NOS2: variants seen among roughly 807,000 people sequenced by gnomAD.
The protein encoded by NOS2 is nitric oxide synthase, inducible.
A neutral mutation model predicts 136.0 loss-of-function variants in NOS2; 96 were observed. The ratio of observed to expected loss-of-function variants is 0.71; its 90% CI spans 0.60 to 0.84. The LOEUF (loss-of-function observed/expected upper bound fraction) is 0.84. NOS2 is among the 40% of genes least tolerant of loss of function. NOS2 has a pLI of 0.00. For missense variants in NOS2, 1,237 were observed against 1,496.9 expected (o/e 0.83, Z 2.87); for synonymous variants, 539 against 587.5 (o/e 0.92, Z 1.20).
chr17:27,799,610 G>A (rs28998796), intron 1 of NOS2, among the ~76,000 whole-genome samples: 2,302 of 152,286 alleles, frequency 0.015, 58 homozygotes, highest in African/African-American at 0.051. Context: ...TCGGGAGACC[G>A]AGGCAGGAGG....
chr17:27,783,001 C>T lies in NOS2; in HGVS notation c.573G>A (p.Lys191=), dbSNP rs201721294. 1.9e-6 allele frequency: 3 copies of T among 1,614,072 alleles called. No individual in the cohort carries two copies. Among genetic ancestry groups the T allele is most frequent in the African/African-American group, 1.3e-5 (1 of 74,940 alleles). The change falls in exon 6 of 27, where the codon AAG becomes AAA. Residue 191 remains lysine, a synonymous_variant. Coordinates refer to ENST00000313735, the MANE Select transcript of NOS2 (RefSeq NM_000625.4). ...LTGDELIFAT[K]QAWRNAPRCI... ...AGCGTGGGGCATTGCGCCAGGCCTG[C>T]TTGGTGGCGAAGATGAGCTCATCTC...
At chr17:27,766,399 G>A (rs1908303851) in intron 19 of NOS2, 111 bp downstream of exon 19, 3 of 977,900 alleles carry the variant, frequency 3.1e-6, no homozygotes, top group Admixed American at 1.7e-5. Flanking sequence ...GGCTGCTAAT[G>A]CCAGCATATG....
At chr17:27,777,521 C>T (rs8073631) in intron 11 of NOS2, among the ~76,000 whole-genome samples, 108,051 of 152,122 alleles carry the variant, frequency 0.71, 38,884 homozygotes, top group African/African-American at 0.82. Flanking sequence ...CCACAGCTCA[C>T]AGGTCCCCTC....
At position 27,762,801 on chromosome 17, in the gene NOS2, GGGTGTGGTA is replaced by G; in HGVS notation, c.2788_2796del (p.Tyr930_Thr932del). The G allele has an allele frequency of 6.5e-7, 1 of 1,546,930 alleles. No homozygotes were observed. Among genetic ancestry groups the G allele is most frequent in the Non-Finnish European group, 8.7e-7 (1 of 1,145,466 alleles). On this transcript the variant is annotated inframe_deletion, in exon 22 of 27. Transcript: ENST00000313735. ...AGAGCCTCTGCCCCTGGCTCACCTC[GGGTGTGGTA>G]GGTGACCACGGCCACAGTCAGGTGG...
Position 27,787,772 on chromosome 17 carries a change from A to C in NOS2, c.373T>G (p.Leu125Val). ...GGCTTGTCCCTGGGTCCTCTGGTCA[A>C]ACTTTTGGGAGTCATAATGGACCCC... ...CLGSIMTPKS[L>V]TRGPRDKPTP... The change falls in exon 5 of 27, where the codon TTG (leucine) becomes GTG (valine). Residue 125 changes from leucine (L) to valine (V), a missense_variant. Around this residue, in one of 3 missense-constraint regions of NOS2, gnomAD observed 440 missense variants for 545.4 expected, o/e 0.81. Coordinates refer to ENST00000313735, the MANE Select transcript of NOS2 (RefSeq NM_000625.4). 6.2e-7 allele frequency: 1 copy of C among 1,613,508 alleles called. No homozygotes were observed. The highest frequency in any genetic ancestry group is 1.1e-5 in the South Asian group (1 of 90,928).
intron 7 of NOS2, 73 bp from the exon 8 acceptor site, chr17:27,781,250 C>T (rs1718424677): frequency 6.7e-7 from 1 of 1,495,476 alleles, no homozygotes; most frequent in Admixed American, 1.8e-5. Context: ...ACTGGCCCTA[C>T]CTCCCTCTCC....
chr17:27,762,221 T>C (rs751909059), intron 22 of NOS2, among the ~76,000 whole-genome samples: 5 of 152,194 alleles, frequency 3.3e-5, no homozygotes, highest in Admixed American at 6.5e-5. Context: ...ATTATTTCTA[T>C]GCCTATCTCT....
chr17:27,765,166 T>C (rs536536675), intron 20 of NOS2, among the ~76,000 whole-genome samples: 2 of 152,298 alleles, frequency 1.3e-5, no homozygotes, highest in South Asian at 4.1e-4. Context: ...TTTTGTATTT[T>C]TAGTAGAGAC....
At chr17:27,779,171 G>A (rs1049651989) in intron 9 of NOS2, 115 bp from the exon 10 acceptor site, 28 of 743,458 alleles carry the variant, frequency 3.8e-5, no homozygotes, top group Non-Finnish European at 4.9e-5. Context: ...GCAGTGCAGT[G>A]GCACAATCAT....
chr17:27,757,198 TC>T lies in NOS2; in HGVS notation c.*47del. The stretch of plus-strand genomic sequence containing the variant: ...TGACCTCAGATAATGCAGAGCTGGC[TC>T]CATCCTTAAGTTCTGTGCCGGCAGC... On this transcript the variant is annotated 3_prime_UTR_variant, in exon 27 of 27. Coordinates refer to ENST00000313735, the MANE Select transcript of NOS2 (RefSeq NM_000625.4). 6.8e-7 allele frequency: 1 copy of T among 1,468,592 alleles called. No individual in the cohort carries two copies. The highest frequency in any genetic ancestry group is 1.2e-5 in the South Asian group (1 of 86,868). 91.0% of individuals were successfully genotyped at this position (1,468,592 alleles called of 1,614,324 possible).
intron 14 of NOS2, among the ~76,000 whole-genome samples, chr17:27,772,087 T>C (rs574799130): frequency 6.6e-6 from 1 of 152,372 alleles, no homozygotes; most frequent in Admixed American, 6.5e-5. Context: ...ATTGTGAAAG[T>C]GTTTCTCAAA....
At chr17:27,760,220 A>C in intron 24 of NOS2, 42 bp from the exon 25 acceptor site, 1 of 1,499,516 alleles carries the variant, frequency 6.7e-7, no homozygotes, top group Non-Finnish European at 8.9e-7. Context: ...TGGCCACCAG[A>C]GGGCGCCAGG....
chr17:27,799,104 A>G (rs1909450243), intron 1 of NOS2, among the ~76,000 whole-genome samples: 1 of 151,258 alleles, frequency 6.6e-6, no homozygotes. Context: ...AAAACAATGA[A>G]CCCCCCCATC....
Position 27,774,369 on chromosome 17 carries a change from C to A in NOS2, c.1364G>T (p.Gly455Val). The change falls in exon 12 of 27, where the codon GGG becomes GTG. Residue 455 changes from glycine to valine, a missense_variant. This residue lies in a region of NOS2 where 782 missense variants were observed against 909.9 expected (regional missense o/e 0.86). Coordinates refer to ENST00000313735, the MANE Select transcript of NOS2 (RefSeq NM_000625.4). Reference sequence around the variant, plus strand: ...CCAAATCCAGTCTGCCGGGCAGCCCCCACGGGACCGGTATTCATTCTGCAT... The same window carrying A: ...CCAAATCCAGTCTGCCGGGCAGCCCACACGGGACCGGTATTCATTCTGCAT... ...KYMQNEYRSR[G>V]GCPADWIWLV... is the part of the protein sequence containing the mutation. 6.3e-7 allele frequency: 1 copy of A among 1,583,016 alleles called. No homozygotes were observed. The highest frequency in any genetic ancestry group is 1.8e-5 in the Admixed American group (1 of 55,588).
At chr17:27,775,399 A>C (rs1299122796) in intron 11 of NOS2, among the ~76,000 whole-genome samples, 4 of 152,078 alleles carry the variant, frequency 2.6e-5, no homozygotes, top group Admixed American at 2.0e-4. Flanking sequence ...GGAGTTTGAG[A>C]CCAGCCTGAC....
At chr17:27,783,846 C>T (rs1250110867) in intron 5 of NOS2, among the ~76,000 whole-genome samples, 1 of 152,182 alleles carries the variant, frequency 6.6e-6, no homozygotes, top group Non-Finnish European at 1.5e-5. Flanking sequence ...CATCTTCCAC[C>T]CTACGGGGAC....
chr17:27,768,118 T>C (rs1431489866), intron 17 of NOS2, among the ~76,000 whole-genome samples: 1 of 152,118 alleles, frequency 6.6e-6, no homozygotes, highest in Non-Finnish European at 1.5e-5. Context: ...GGTGCCATCA[T>C]AGCTCACTGA....
At chr17:27,757,415 C>T in intron 26 of NOS2, 62 bp from the exon 27 acceptor site, 6 of 1,387,454 alleles carry the variant, frequency 4.3e-6, no homozygotes, top group Non-Finnish European at 6.1e-6. Context: ...CCTGGGGTTG[C>T]CCAGCTTCCC....
intron 17 of NOS2, 62 bp from the exon 18 acceptor site, chr17:27,767,899 G>T: frequency 1.2e-6 from 2 of 1,602,498 alleles, no homozygotes; most frequent in Non-Finnish European, 1.7e-6. Flanking sequence ...CCACCACTGG[G>T]GCTACCACTT....
Sources: allele counts gnomAD v4.1 joint callset (sites outside exome capture counted in the v4.1 genomes callset), GRCh38; gene constraint gnomAD v4.1.1; regional missense constraint gnomAD v4.1.1; transcripts MANE v1.5; gene names NCBI Gene and HGNC (gene_info 2026-07-23, HGNC 2026-07-21).